IFT88: variants seen among roughly 807,000 people sequenced by gnomAD.
The protein encoded by IFT88 is intraflagellar transport 88.
In IFT88, 74 loss-of-function variants were observed where a neutral mutation model predicts 119.5. That is an observed-to-expected ratio of 0.62 (90% CI 0.51 to 0.75). IFT88 has a LOEUF of 0.75. Among genes scored for constraint, IFT88 ranks in the 30% least tolerant of loss-of-function variants. IFT88 has a pLI of 0.00. For synonymous variants in IFT88, 279 were observed against 316.7 expected (o/e 0.88, Z 1.26); for missense variants, 961 against 977.7 (o/e 0.98, Z 0.23).
intron 13 of IFT88, among the ~76,000 whole-genome samples, chr13:20,605,827 AC>A (rs1299368538): frequency 6.6e-6 from 1 of 152,190 alleles, no homozygotes; most frequent in African/African-American, 2.4e-5. Context: ...ATTTGTACTT[AC>A]CACGTTATTA....
intron 8 of IFT88, 47 bp downstream of exon 8, chr13:20,596,287 A>T (rs1338238726): frequency 1.2e-6 from 1 of 858,302 alleles, no homozygotes; most frequent in South Asian, 2.0e-5. Context: ...TTATAGATGT[A>T]TGTCTGCTTT....
intron 20 of IFT88, among the ~76,000 whole-genome samples, chr13:20,647,977 C>T (rs1271890725): frequency 1.3e-5 from 2 of 152,018 alleles, no homozygotes; most frequent in Non-Finnish European, 2.9e-5. Flanking sequence ...TACAGGGACC[C>T]TCAGTAAGAT....
chr13:20,587,639 T>TTA (rs1432056004), intron 3 of IFT88, among the ~76,000 whole-genome samples: 3 of 152,082 alleles, frequency 2.0e-5, no homozygotes, highest in Non-Finnish European at 2.9e-5. Context: ...GGTTTTTGCT[T>TTA]TATATATATG....
chr13:20,669,150 C>T (rs1489392495), intron 23 of IFT88, among the ~76,000 whole-genome samples: 3 of 152,096 alleles, frequency 2.0e-5, no homozygotes, highest in Admixed American at 6.5e-5. Context: ...CGTCATGGCA[C>T]GTGGTAGGCC....
intron 15 of IFT88, among the ~76,000 whole-genome samples, chr13:20,629,988 G>C (rs1377980333): frequency 2.2e-4 from 34 of 152,066 alleles, no homozygotes; most frequent in Admixed American, 2.2e-3. Flanking sequence ...ATCTTACTTG[G>C]TTAGGATTAT....
At chr13:20,570,860 G>A (rs551992428) in intron 1 of IFT88, among the ~76,000 whole-genome samples, 55 of 151,972 alleles carry the variant, frequency 3.6e-4, no homozygotes, top group Non-Finnish European at 7.1e-4. Context: ...ATGAATTATA[G>A]TTCAAAAACT....
At chr13:20,611,072 A>G (rs2044412747) in intron 13 of IFT88, among the ~76,000 whole-genome samples, 1 of 151,960 alleles carries the variant, frequency 6.6e-6, no homozygotes, top group African/African-American at 2.4e-5. Context: ...AGCCTGGGTG[A>G]CAGAGTGAGA....
chr13:20,645,659 A>G (rs1292526951), intron 20 of IFT88, among the ~76,000 whole-genome samples: 1 of 152,194 alleles, frequency 6.6e-6, no homozygotes, highest in Non-Finnish European at 1.5e-5. Flanking sequence ...TGAAAAATTA[A>G]AATGTTTTCA....
chr13:20,672,935 G>T (rs1446821042), intron 24 of IFT88, among the ~76,000 whole-genome samples: 1 of 152,126 alleles, frequency 6.6e-6, no homozygotes, highest in African/African-American at 2.4e-5. Context: ...CACAGACTAG[G>T]CATTGTGCAA....
In IFT88 at chr13:20,599,493, G is replaced by T. The variant is rs1474573713; in HGVS notation, c.740G>T (p.Arg247Ile). The change falls in exon 11 of 26, where the codon AGA (arginine) becomes ATA (isoleucine). Residue 247 changes from arginine to isoleucine, a missense_variant. Arg to Ile is a moderately conservative substitution (Grantham distance 97). Coordinates refer to ENST00000351808, the MANE Select transcript of IFT88 (RefSeq NM_006531.5). ...ATGGGAAATATCTATTTAAAGCAAA[G>T]AAATTATTCCAAAGCCATTAAATTC... is the stretch of plus-strand genomic sequence containing the variant. ...MNMGNIYLKQ[R>I]NYSKAIKFYR... 3.2e-6 allele frequency: 5 copies of T among 1,545,574 alleles called. No individual in the cohort carries two copies. The highest frequency in any genetic ancestry group is 1.8e-5 in the Admixed American group (1 of 55,980).
chr13:20,645,082 A>AT, intron 20 of IFT88, 124 bp downstream of exon 20: 2 of 516,200 alleles, frequency 3.9e-6, no homozygotes, highest in South Asian at 6.3e-5. Context: ...TTCATAAATT[A>AT]TTTTTGTTTG....
chr13:20,601,890 C>T lies in IFT88; in HGVS notation c.998C>T (p.Thr333Ile), dbSNP rs749583396. Reference sequence around the variant, plus strand: ...AAGAAGGCATTCCAAAAATTGATTACTGTTCCATTAGAAATTGATGAAGAT... The same window carrying T: ...AAGAAGGCATTCCAAAAATTGATTATTGTTCCATTAGAAATTGATGAAGAT... Reference protein sequence around the residue: ...KMKKAFQKLITVPLEIDEDKY... With the variant: ...KMKKAFQKLIIVPLEIDEDKY... The change falls in exon 12 of 26, where the codon ACT becomes ATT. Residue 333 changes from threonine to isoleucine, a missense_variant. Coordinates refer to ENST00000351808, the MANE Select transcript of IFT88 (RefSeq NM_006531.5). The T allele has an allele frequency of 4.4e-6, 7 of 1,607,516 alleles. No homozygotes were observed. Among genetic ancestry groups the T allele is most frequent in the East Asian group, 2.2e-5 (1 of 44,804 alleles).
chr13:20,604,814 G>A (rs2043154484), intron 12 of IFT88, among the ~76,000 whole-genome samples: 2 of 152,038 alleles, frequency 1.3e-5, no homozygotes, highest in Admixed American at 1.3e-4. Flanking sequence ...AATTAGCCAG[G>A]CATCATGGCA....
At chr13:20,618,758 ACTT>A (rs992041959) in intron 14 of IFT88, among the ~76,000 whole-genome samples, 41 of 152,214 alleles carry the variant, frequency 2.7e-4, no homozygotes, top group Middle Eastern at 3.4e-3. Flanking sequence ...AGAAGAGAAA[ACTT>A]AGTTCTGCAA....
chr13:20,614,413 C>T (rs1414779974), intron 13 of IFT88: 2 of 152,074 alleles, frequency 1.3e-5, no homozygotes, highest in African/African-American at 4.8e-5. Flanking sequence ...TTGATATACG[C>T]AACAAATTGG....
chr13:20,649,292 C>T (rs974511156), intron 20 of IFT88, among the ~76,000 whole-genome samples: 3 of 152,052 alleles, frequency 2.0e-5, no homozygotes, highest in Admixed American at 6.6e-5. Flanking sequence ...AAAGATTGAA[C>T]TCATACAAAT....
chr13:20,587,233 T>C (rs1295047051), intron 3 of IFT88, among the ~76,000 whole-genome samples: 1 of 151,826 alleles, frequency 6.6e-6, no homozygotes, highest in Admixed American at 6.6e-5. Context: ...ATATTTTTAC[T>C]GATATTTTGT....
chr13:20,620,640 A>C (rs2046323499), intron 14 of IFT88, among the ~76,000 whole-genome samples: 1 of 152,098 alleles, frequency 6.6e-6, no homozygotes, highest in African/African-American at 2.4e-5. Context: ...ATCTCGGCTC[A>C]CTGCAACCTC....
chr13:20,574,173 C>T (rs2036923325), intron 1 of IFT88, among the ~76,000 whole-genome samples: 1 of 151,930 alleles, frequency 6.6e-6, no homozygotes, highest in African/African-American at 2.4e-5. Flanking sequence ...CAAAAAATTT[C>T]AAACTTAGTT....
Sources: allele counts gnomAD v4.1 joint callset (sites outside exome capture counted in the v4.1 genomes callset), GRCh38; gene constraint gnomAD v4.1.1; transcripts MANE v1.5; gene names NCBI Gene and HGNC (gene_info 2026-07-23, HGNC 2026-07-21).